The following PLXDC2 variants were observed in gnomAD, a reference collection of about 807,000 sequenced individuals.
PLXDC2 encodes plexin domain containing 2, also known as plexin domain-containing protein 2.
PLXDC2 carries 40 observed loss-of-function variants against 68.9 expected under a neutral mutation model. That is an observed-to-expected ratio of 0.58 (90% CI 0.45 to 0.76). The LOEUF (loss-of-function observed/expected upper bound fraction) is 0.76. PLXDC2 is among the 30% of genes least tolerant of loss of function. The pLI is 0.00. For missense variants in PLXDC2, 644 were observed against 661.9 expected (o/e 0.97, Z 0.30); for synonymous variants, 243 against 234.2 (o/e 1.04, Z -0.34).
intron 1 of PLXDC2, among the ~76,000 whole-genome samples, chr10:19,860,712 G>A (rs1018829296): frequency 1.3e-5 from 2 of 152,142 alleles, no homozygotes; most frequent in African/African-American, 4.8e-5. Context: ...CACTAAATAT[G>A]TGTTGAATGT....
At chr10:19,979,554 C>T (rs1834515764) in intron 1 of PLXDC2, among the ~76,000 whole-genome samples, 2 of 151,868 alleles carry the variant, frequency 1.3e-5, no homozygotes, top group Admixed American at 6.6e-5. Context: ...GTATTTTTAG[C>T]CAAGGTGGGG....
At chr10:20,233,048 C>T (rs186306125) in intron 12 of PLXDC2, among the ~76,000 whole-genome samples, 2 of 152,020 alleles carry the variant, frequency 1.3e-5, no homozygotes, top group Non-Finnish European at 2.9e-5. Flanking sequence ...CCTTGGTGAA[C>T]CAGCATCTCT....
chr10:20,110,709 C>T (rs1442779313), intron 4 of PLXDC2, among the ~76,000 whole-genome samples: 1 of 152,192 alleles, frequency 6.6e-6, no homozygotes, highest in Non-Finnish European at 1.5e-5. Context: ...TGGAGGACCT[C>T]AGGATTGGGG....
At chr10:20,084,932 G>A (rs921880543) in intron 4 of PLXDC2, among the ~76,000 whole-genome samples, 7 of 151,332 alleles carry the variant, frequency 4.6e-5, no homozygotes, top group African/African-American at 7.3e-5. Flanking sequence ...TATCCCTATC[G>A]AGAAAGCTGT....
At chr10:20,101,060 A>AT (rs1385349250) in intron 4 of PLXDC2, among the ~76,000 whole-genome samples, 1 of 152,140 alleles carries the variant, frequency 6.6e-6, no homozygotes, top group Non-Finnish European at 1.5e-5. Context: ...TCTTTTTAAA[A>AT]TTTTTTCTGC....
chr10:20,200,551 C>A (rs551097525), intron 9 of PLXDC2, among the ~76,000 whole-genome samples: 3 of 151,620 alleles, frequency 2.0e-5, no homozygotes, highest in East Asian at 3.9e-4. Context: ...TTGCAACAAA[C>A]GAAAAAGCTT....
At chr10:19,916,115 G>T (rs990816456) in intron 1 of PLXDC2, among the ~76,000 whole-genome samples, 1 of 148,750 alleles carries the variant, frequency 6.7e-6, no homozygotes, top group Non-Finnish European at 1.5e-5. Flanking sequence ...AAATTATGTG[G>T]AGGGAGTTGT....
chr10:20,161,453 CT>C lies in PLXDC2; in HGVS notation c.784-3002del, dbSNP rs1220918119. ...AGCAGTTTTTCAAGTCTCTCTCTCT[CT>C]TTTTTTTTTTTTGCTTCAAGCTTCC... On this transcript the variant is annotated intron_variant, in intron 6 of 13. Coordinates refer to ENST00000377252, the MANE Select transcript of PLXDC2 (RefSeq NM_032812.9). Among the ~76,000 whole-genome samples, 1,095 of 142,010 alleles carry C rather than the reference CT, an allele frequency of 7.7e-3. 5 individuals are homozygous for C. Among genetic ancestry groups the C allele is most frequent in the African/African-American group, 0.016 (602 of 37,662 alleles). 93.2% of individuals were successfully genotyped at this position (142,010 alleles called of 152,430 possible).
chr10:20,215,087 A>G (rs941019479), intron 10 of PLXDC2, among the ~76,000 whole-genome samples: 1 of 152,206 alleles, frequency 6.6e-6, no homozygotes, highest in African/African-American at 2.4e-5. Context: ...ACAGAGCAAG[A>G]ATGATCCATA....
chr10:20,053,607 A>G (rs2131691193), intron 3 of PLXDC2, among the ~76,000 whole-genome samples: 1 of 152,232 alleles, frequency 6.6e-6, no homozygotes, highest in Non-Finnish European at 1.5e-5. Context: ...TTCTACGTCC[A>G]TGTTATTTAA....
At chr10:19,841,535 G>A (rs900660618) in intron 1 of PLXDC2, among the ~76,000 whole-genome samples, 68 of 132,412 alleles carry the variant, frequency 5.1e-4, no homozygotes, top group African/African-American at 1.8e-3. Context: ...GTGTGTTTCA[G>A]GGTTTTTTTT....
At chr10:19,875,098 T>A (rs1837608990) in intron 1 of PLXDC2, among the ~76,000 whole-genome samples, 1 of 152,178 alleles carries the variant, frequency 6.6e-6, no homozygotes, top group African/African-American at 2.4e-5. Context: ...AAAAATTAAA[T>A]CATGCATGCA....
intron 1 of PLXDC2, among the ~76,000 whole-genome samples, chr10:19,966,370 A>AAAAATATATATGTACACATATAT (rs1834253927): frequency 1.5e-5 from 2 of 133,474 alleles, no homozygotes; most frequent in Non-Finnish European, 3.3e-5. Flanking sequence ...CACATATATA[A>AAAAATATATATGTACACATATAT]AAAATATATA....
intron 7 of PLXDC2, among the ~76,000 whole-genome samples, chr10:20,166,442 A>G (rs1488810363): frequency 6.6e-6 from 1 of 152,172 alleles, no homozygotes; most frequent in East Asian, 1.9e-4. Context: ...TGTAGGCAAC[A>G]TAAAGGCATC....
chr10:19,938,991 A>AG (rs1290339924), intron 1 of PLXDC2, among the ~76,000 whole-genome samples: 2 of 152,226 alleles, frequency 1.3e-5, no homozygotes, highest in African/African-American at 4.8e-5. Context: ...ATGAAAAAAA[A>AG]CTGAGATAGA....
chr10:19,936,412 T>C (rs908992671), intron 1 of PLXDC2, among the ~76,000 whole-genome samples: 1 of 152,238 alleles, frequency 6.6e-6, no homozygotes, highest in Admixed American at 6.5e-5. Flanking sequence ...ACTAGTCAAA[T>C]CTGACACTGC....
intron 12 of PLXDC2, among the ~76,000 whole-genome samples, chr10:20,227,216 G>A (rs570627192): frequency 2.6e-5 from 4 of 152,118 alleles, no homozygotes; most frequent in African/African-American, 9.6e-5. Context: ...AGATCTACAT[G>A]GTCTGATGCC....
intron 6 of PLXDC2, among the ~76,000 whole-genome samples, chr10:20,153,513 CTTGAT>C (rs751706602): frequency 3.3e-5 from 5 of 152,040 alleles, no homozygotes; most frequent in Non-Finnish European, 7.4e-5. Context: ...ACATTTCCTG[CTTGAT>C]TTAAGTGGTA....
intron 1 of PLXDC2, among the ~76,000 whole-genome samples, chr10:19,976,798 T>C (rs1052343595): frequency 6.6e-6 from 1 of 151,984 alleles, no homozygotes; most frequent in African/African-American, 2.4e-5. Flanking sequence ...TGAGGCCTTC[T>C]GGAATAATAT....
Sources: gnomAD v4.1 joint callset for allele counts (sites outside exome capture counted in the v4.1 genomes callset) on GRCh38, gnomAD v4.1.1 for gene constraint, MANE v1.5 for transcripts, NCBI Gene and HGNC (gene_info 2026-07-23, HGNC 2026-07-21) for gene names.